The following RHOJ variants were observed in gnomAD, a reference collection of about 807,000 sequenced individuals.
RHOJ encodes the protein ras homolog family member J.
A neutral mutation model predicts 23.4 loss-of-function variants in RHOJ; 11 were observed. That is an observed-to-expected ratio of 0.47 (90% CI 0.30 to 0.78). The LOEUF (loss-of-function observed/expected upper bound fraction) is 0.78. Ranked by LOEUF, RHOJ falls within the 30% of genes least tolerant of loss-of-function variation. RHOJ has a pLI of 0.08. For missense variants in RHOJ, 254 were observed against 273.4 expected (o/e 0.93, Z 0.50); for synonymous variants, 102 against 102.7 (o/e 0.99, Z 0.04).
intron 1 of RHOJ, among the ~76,000 whole-genome samples, chr14:63,225,722 T>A (rs1007240145): frequency 3.3e-5 from 5 of 152,042 alleles, no homozygotes; most frequent in African/African-American, 1.2e-4. Context: ...CAGTGGGAAG[T>A]AGAAAGAAAG....
chr14:63,257,356 GC>G (rs1482460669), intron 1 of RHOJ, among the ~76,000 whole-genome samples: 1 of 149,712 alleles, frequency 6.7e-6, no homozygotes, highest in Middle Eastern at 3.2e-3. Context: ...GCCCTTCCAG[GC>G]AGAGCCAGCT....
At chr14:63,234,854 T>C (rs1276043702) in intron 1 of RHOJ, among the ~76,000 whole-genome samples, 1 of 152,220 alleles carries the variant, frequency 6.6e-6, no homozygotes, top group African/African-American at 2.4e-5. Context: ...ATTTATTTGG[T>C]AAGCCCCGAA....
chr14:63,263,413 C>T (rs1027433449), intron 1 of RHOJ, among the ~76,000 whole-genome samples: 3 of 152,180 alleles, frequency 2.0e-5, no homozygotes, highest in Non-Finnish European at 4.4e-5. Flanking sequence ...AAGCCATGAC[C>T]CGTATAACCC....
At chr14:63,214,545 G>C (rs1263089313) in intron 1 of RHOJ, among the ~76,000 whole-genome samples, 1 of 152,162 alleles carries the variant, frequency 6.6e-6, no homozygotes, top group Non-Finnish European at 1.5e-5. Context: ...AGTGCCTCTT[G>C]GAAACGGCTA....
chr14:63,243,488 C>T (rs951385041), intron 1 of RHOJ, among the ~76,000 whole-genome samples: 11 of 152,074 alleles, frequency 7.2e-5, no homozygotes, highest in South Asian at 4.1e-4. Context: ...TACAGGCACC[C>T]GCCACCATGC....
intron 4 of RHOJ, among the ~76,000 whole-genome samples, chr14:63,286,928 A>G (rs1882101218): frequency 6.6e-6 from 1 of 151,730 alleles, no homozygotes; most frequent in Non-Finnish European, 1.5e-5. Flanking sequence ...TTCTCTTACA[A>G]CCTGTTTGGT....
intron 1 of RHOJ, among the ~76,000 whole-genome samples, chr14:63,228,122 C>G (rs1894627946): frequency 6.6e-6 from 1 of 152,152 alleles, no homozygotes; most frequent in Admixed American, 6.5e-5. Context: ...TCCAAGCACC[C>G]AGCACTGGAA....
chr14:63,263,233 A>G (rs769799790), intron 1 of RHOJ, among the ~76,000 whole-genome samples: 10 of 152,310 alleles, frequency 6.6e-5, no homozygotes, highest in Middle Eastern at 3.4e-3. Flanking sequence ...GAACTATCTG[A>G]CTTGAAAGAT....
At chr14:63,219,601 A>G (rs1461257579) in intron 1 of RHOJ, among the ~76,000 whole-genome samples, 2 of 152,134 alleles carry the variant, frequency 1.3e-5, no homozygotes, top group African/African-American at 4.8e-5. Context: ...GAGGATCACA[A>G]GGTCAGGAGA....
At position 63,286,543 on chromosome 14, in the gene RHOJ, G is replaced by A. The variant is rs190934828; in HGVS notation, c.498+3327G>A. On this transcript the variant is annotated intron_variant, in intron 4 of 4. Coordinates refer to ENST00000316754, the MANE Select transcript of RHOJ (RefSeq NM_020663.5). Reference sequence around the variant, plus strand: ...GCAGATTGGCAACTGACGGGCCAAAGTTCACCCACAAATGTTTTCATTAGT... The same window carrying A: ...GCAGATTGGCAACTGACGGGCCAAAATTCACCCACAAATGTTTTCATTAGT... Among the ~76,000 whole-genome samples the A allele has an allele frequency of 9.8e-5, 15 of 152,308 alleles. 1 individual carries two copies. Among genetic ancestry groups the A allele is most frequent in the Non-Finnish European group, 1.9e-4 (13 of 68,018 alleles).
intron 1 of RHOJ, among the ~76,000 whole-genome samples, chr14:63,258,387 A>C (rs1184027310): frequency 6.6e-6 from 1 of 152,080 alleles, no homozygotes; most frequent in African/African-American, 2.4e-5. Context: ...ACAGGTTCCA[A>C]GAGAAAGATA....
chr14:63,253,278 T>A (rs1895104225), intron 1 of RHOJ, among the ~76,000 whole-genome samples: 1 of 152,012 alleles, frequency 6.6e-6, no homozygotes, highest in Non-Finnish European at 1.5e-5. Flanking sequence ...CTTTAGATAA[T>A]TTTTTTTAGA....
intron 1 of RHOJ, among the ~76,000 whole-genome samples, chr14:63,248,547 A>G (rs1341591757): frequency 9.9e-5 from 15 of 152,236 alleles, no homozygotes; most frequent in Admixed American, 9.8e-4. Flanking sequence ...GACAGAAAAA[A>G]TGATGGGAAT....
chr14:63,284,879 C>G (rs1882032278), intron 4 of RHOJ, among the ~76,000 whole-genome samples: 1 of 152,106 alleles, frequency 6.6e-6, no homozygotes, highest in African/African-American at 2.4e-5. Context: ...CCTCCCATCT[C>G]GTTTCATACT....
At chr14:63,223,072 A>T (rs1402201035) in intron 1 of RHOJ, among the ~76,000 whole-genome samples, 1 of 152,234 alleles carries the variant, frequency 6.6e-6, no homozygotes, top group Admixed American at 6.5e-5. Flanking sequence ...GTTTGGGCTC[A>T]TGACCAAATC....
At position 63,249,519 on chromosome 14, in the gene RHOJ, G is replaced by T. The variant is rs111569460; in HGVS notation, c.179-19591G>T. The stretch of plus-strand genomic sequence containing the variant: ...GTCTCAGATAAATTTGACAAGAGCT[G>T]CTGAAAGTTCAAGTGTTTGCAAGGA... On this transcript the variant is annotated intron_variant, in intron 1 of 4. Transcript: ENST00000316754. Among the ~76,000 whole-genome samples, 101 of 152,308 alleles carry T rather than the reference G, an allele frequency of 6.6e-4. 1 individual carries two copies. Among genetic ancestry groups the T allele is most frequent in the African/African-American group, 2.2e-3 (93 of 41,570 alleles).
intron 3 of RHOJ, among the ~76,000 whole-genome samples, chr14:63,282,099 A>C (rs1221981701): frequency 2.0e-5 from 3 of 152,224 alleles, no homozygotes; most frequent in African/African-American, 7.2e-5. Flanking sequence ...CTGCTCTGAA[A>C]GATAATCGTT....
intron 4 of RHOJ, among the ~76,000 whole-genome samples, chr14:63,288,009 C>T (rs1174097426): frequency 6.6e-6 from 1 of 152,106 alleles, no homozygotes; most frequent in African/African-American, 2.4e-5. Flanking sequence ...AATTCTTCTC[C>T]GACCCTCATA....
At chr14:63,258,142 C>T (rs1895210088) in intron 1 of RHOJ, among the ~76,000 whole-genome samples, 1 of 147,930 alleles carries the variant, frequency 6.8e-6, no homozygotes, top group South Asian at 2.1e-4. Context: ...ACAGGAGAAT[C>T]GCTTGAACCC....
Sources: allele counts gnomAD v4.1 joint callset (sites outside exome capture counted in the v4.1 genomes callset), GRCh38; gene constraint gnomAD v4.1.1; transcripts MANE v1.5; gene names NCBI Gene and HGNC (gene_info 2026-07-23, HGNC 2026-07-21).